PCLO: variants seen among roughly 807,000 people sequenced by gnomAD.
The protein encoded by PCLO is protein piccolo.
In PCLO, 82 loss-of-function variants were observed where a neutral mutation model predicts 427.5. The observed-to-expected ratio is 0.19, with a 90% CI of 0.16 to 0.23. The LOEUF (loss-of-function observed/expected upper bound fraction) is 0.23. Ranked by LOEUF, PCLO falls within the 10% of genes least tolerant of loss-of-function variation. The probability of loss-of-function intolerance (pLI) is 1.00; values close to 1 mark genes in which losing one functional copy is unlikely to be tolerated. For synonymous variants in PCLO, 2,357 were observed against 2,155.4 expected (o/e 1.09, Z -2.59); for missense variants, 6,239 against 6,115.9 (o/e 1.02, Z -0.67).
intron 6 of PCLO, among the ~76,000 whole-genome samples, chr7:82,943,890 G>A (rs1187096528): frequency 6.6e-6 from 1 of 151,946 alleles, no homozygotes; most frequent in Non-Finnish European, 1.5e-5. Flanking sequence ...GGGTGCGGTG[G>A]CTCACGTCTG....
chr7:82,760,054 A>G (rs909288743), intron 24 of PCLO, among the ~76,000 whole-genome samples: 1 of 152,000 alleles, frequency 6.6e-6, no homozygotes, highest in African/African-American at 2.4e-5. Context: ...GGAGCTTTGA[A>G]GGGGAGAAAA....
chr7:82,777,410 A>ATGGT (rs1790777683), intron 22 of PCLO, among the ~76,000 whole-genome samples: 1 of 152,156 alleles, frequency 6.6e-6, no homozygotes, highest in South Asian at 2.1e-4. Flanking sequence ...ATATTTTAAA[A>ATGGT]TTCATATGAA....
At chr7:82,927,588 T>A (rs2116325030) in intron 6 of PCLO, among the ~76,000 whole-genome samples, 1 of 152,250 alleles carries the variant, frequency 6.6e-6, no homozygotes, top group Non-Finnish European at 1.5e-5. Context: ...ATCCAAATGG[T>A]TTTGCCAGGA....
intron 3 of PCLO, among the ~76,000 whole-genome samples, chr7:82,998,391 A>AAAAAAC (rs376223679): frequency 6.0e-5 from 9 of 149,288 alleles, no homozygotes; most frequent in East Asian, 4.0e-4. Context: ...TGTCCTTTAA[A>AAAAAAC]AACAACAACA....
intron 3 of PCLO, among the ~76,000 whole-genome samples, chr7:83,009,945 G>A (rs774542290): frequency 7.9e-5 from 12 of 151,862 alleles, no homozygotes; most frequent in Admixed American, 5.3e-4. Context: ...TTTGTAACAT[G>A]ACAAGTGGTG....
intron 3 of PCLO, among the ~76,000 whole-genome samples, chr7:83,109,447 A>G (rs1485783059): frequency 2.0e-5 from 3 of 152,096 alleles, no homozygotes; most frequent in African/African-American, 7.2e-5. Flanking sequence ...TGAAATCTCT[A>G]TTGTTTAGTT....
In PCLO at chr7:82,966,056, T is replaced by G; in HGVS notation, c.3732A>C (p.Glu1244Asp). The change falls in exon 4 of 25, where the codon GAA (glutamate) becomes GAC (aspartate). Residue 1244 changes from glutamate to aspartate, a missense_variant. By Grantham distance (45) the Glu-to-Asp change is conservative. Coordinates refer to ENST00000333891, the MANE Select transcript of PCLO (RefSeq NM_033026.6). Reference sequence around the variant, plus strand: ...TTGCCTCTGGGAGTAGCTTTTTGTCTTCAGGGGTTGGCTTTTTTTCTTCTA... The same window carrying G: ...TTGCCTCTGGGAGTAGCTTTTTGTCGTCAGGGGTTGGCTTTTTTTCTTCTA... The part of the protein sequence containing the change: ...PLLEEKKPTP[E>D]DKKLLPEAKT... The G allele has an allele frequency of 6.2e-7, 1 of 1,613,398 alleles. No homozygotes were observed. Among genetic ancestry groups the G allele is most frequent in the Non-Finnish European group, 8.5e-7 (1 of 1,179,778 alleles).
intron 3 of PCLO, among the ~76,000 whole-genome samples, chr7:83,054,019 C>T (rs192755376): frequency 6.6e-6 from 1 of 152,062 alleles, no homozygotes; most frequent in African/African-American, 2.4e-5. Flanking sequence ...GCAGCCATTG[C>T]TTGTACTCAT....
intron 6 of PCLO, among the ~76,000 whole-genome samples, chr7:82,925,404 T>G (rs1469937611): frequency 2.6e-5 from 4 of 152,118 alleles, no homozygotes; most frequent in Non-Finnish European, 4.4e-5. Context: ...GAAACATCCC[T>G]TTACACATCC....
At chr7:83,141,955 G>C (rs1476353113) in intron 2 of PCLO, among the ~76,000 whole-genome samples, 1 of 151,838 alleles carries the variant, frequency 6.6e-6, no homozygotes, top group African/African-American at 2.4e-5. Flanking sequence ...TAAAATTTGG[G>C]GGTTTCAAAA....
At chr7:83,127,717 T>A (rs1456455010) in intron 3 of PCLO, among the ~76,000 whole-genome samples, 1 of 152,086 alleles carries the variant, frequency 6.6e-6, no homozygotes, top group Non-Finnish European at 1.5e-5. Context: ...GCCACAGAGA[T>A]AGTATAAACA....
chr7:82,925,328 G>A lies in PCLO; in HGVS notation c.11113-8455C>T, dbSNP rs182544646. Among the ~76,000 whole-genome samples, 180 of 152,058 alleles carry A rather than the reference G, an allele frequency of 1.2e-3. 1 individual carries two copies. The highest frequency in any genetic ancestry group is 2.2e-3 in the Non-Finnish European group (149 of 67,968). On this transcript the variant is annotated intron_variant, in intron 6 of 24. Coordinates refer to ENST00000333891, the MANE Select transcript of PCLO (RefSeq NM_033026.6). ...AGTAAAGGAATTAACATATTCCTTT[G>A]ATTTTAGGAATTTAGGTTGGGAGAG...
intron 3 of PCLO, among the ~76,000 whole-genome samples, chr7:83,087,441 C>T (rs978390821): frequency 2.6e-5 from 4 of 151,340 alleles, no homozygotes; most frequent in African/African-American, 9.7e-5. Flanking sequence ...CACTTGTACC[C>T]CAAAAGGTAT....
At position 82,966,458 on chromosome 7, in the gene PCLO, T is replaced by A. The variant is rs1795777276; in HGVS notation, c.3330A>T (p.Gln1110His). The A allele has an allele frequency of 1.9e-6, 3 of 1,585,346 alleles. No homozygotes were observed. In the South Asian group the frequency reaches 3.5e-5, roughly 19 times the overall value. Reference sequence around the variant, plus strand: ...GCTGTCCTGATATTGCTCTCTGGGTTTGGCAATTTAAACAAAGCCATTCTT... The same window carrying A: ...GCTGTCCTGATATTGCTCTCTGGGTATGGCAATTTAAACAAAGCCATTCTT... ...EIQEWLCLNC[Q>H]TQRAISGQLG... The change falls in exon 4 of 25, where the codon CAA becomes CAT. Residue 1110 changes from glutamine (Q) to histidine (H), a missense_variant. Gln to His is a conservative substitution (Grantham distance 24). Transcript: ENST00000333891.
Position 82,910,996 on chromosome 7 carries a change from C to A in PCLO, c.13301-1983G>T, listed in dbSNP as rs188559563. 1.1e-4 allele frequency among the ~76,000 whole-genome samples: 16 copies of A among 152,036 alleles called. No homozygotes were observed. The East Asian group carries it at 2.9e-3, about 28-fold the overall frequency. On this transcript the variant is annotated intron_variant, in intron 7 of 24. Coordinates refer to ENST00000333891, the MANE Select transcript of PCLO (RefSeq NM_033026.6). ...TATACTGATTTTAATAAATTAATAT[C>A]CTTTATGATGTAGTACAAGATTTCA...
At chr7:82,871,104 C>T (rs1374566460) in intron 10 of PCLO, among the ~76,000 whole-genome samples, 1 of 151,888 alleles carries the variant, frequency 6.6e-6, no homozygotes, top group Non-Finnish European at 1.5e-5. Flanking sequence ...GATCCCACTG[C>T]TAGGTATATA....
chr7:83,045,283 A>C (rs1335190326), intron 3 of PCLO, among the ~76,000 whole-genome samples: 1 of 152,006 alleles, frequency 6.6e-6, no homozygotes, highest in Non-Finnish European at 1.5e-5. Context: ...GGGGTTATGT[A>C]ATTGTATTGG....
chr7:82,970,557 G>A (rs1377759622), intron 3 of PCLO, among the ~76,000 whole-genome samples: 1 of 151,838 alleles, frequency 6.6e-6, no homozygotes, highest in African/African-American at 2.4e-5. Context: ...TGCTAAACTG[G>A]TGGTCTCATA....
At chr7:82,918,574 A>C (rs759423714) in intron 6 of PCLO, among the ~76,000 whole-genome samples, 1 of 152,070 alleles carries the variant, frequency 6.6e-6, no homozygotes, top group Non-Finnish European at 1.5e-5. Flanking sequence ...ATTAACATAG[A>C]TATGTCATGT....
Sources: allele counts gnomAD v4.1 joint callset (sites outside exome capture counted in the v4.1 genomes callset), GRCh38; gene constraint gnomAD v4.1.1; transcripts MANE v1.5; gene names NCBI Gene and HGNC (gene_info 2026-07-23, HGNC 2026-07-21).